Variants in LIN28B observed in about 807,000 individuals in gnomAD.
LIN28B encodes the protein protein lin-28 homolog B.
In LIN28B, 5 loss-of-function variants were observed where a neutral mutation model predicts 21.9. The observed-to-expected ratio is 0.23, with a 90% CI of 0.12 to 0.48. The LOEUF (loss-of-function observed/expected upper bound fraction) is 0.48. LIN28B is among the 20% of genes least tolerant of loss of function. LIN28B has a pLI of 0.98. For synonymous variants in LIN28B, 109 were observed against 111.3 expected, an observed-to-expected ratio of 0.98 and a Z score of 0.13; for missense variants, 245 against 310.5, an observed-to-expected ratio of 0.79 and a Z score of 1.58.
At chr6:104,991,432 T>G (rs1434981460) in intron 2 of LIN28B, among the ~76,000 whole-genome samples, 5 of 123,644 alleles carry the variant, frequency 4.0e-5, no homozygotes, top group Non-Finnish European at 3.3e-5. Flanking sequence ...GGGGCAGAGG[T>G]GATCCCCACA....
intron 3 of LIN28B, among the ~76,000 whole-genome samples, chr6:105,035,741 A>G (rs1449334921): frequency 6.6e-6 from 1 of 152,198 alleles, no homozygotes; most frequent in Non-Finnish European, 1.5e-5. Context: ...CTTACCCTCA[A>G]AATATCAGGA....
chr6:104,953,991 C>G (rs1778253964), upstream of LIN28B, among the ~76,000 whole-genome samples: 1 of 152,110 alleles, frequency 6.6e-6, no homozygotes, highest in Admixed American at 6.5e-5. Flanking sequence ...AAAACGTGTA[C>G]CTTGTTTTTT....
chr6:105,031,985 G>A (rs1401717093), intron 3 of LIN28B, among the ~76,000 whole-genome samples: 1 of 152,048 alleles, frequency 6.6e-6, no homozygotes, highest in Non-Finnish European at 1.5e-5. Context: ...CTCTTTCACT[G>A]TAGTTTTGTG....
At chr6:105,037,667 C>T (rs1032771064) in intron 3 of LIN28B, among the ~76,000 whole-genome samples, 6 of 151,490 alleles carry the variant, frequency 4.0e-5, no homozygotes, top group African/African-American at 1.5e-4. Context: ...TGTGCACCAC[C>T]ACACCCTAAT....
intron 2 of LIN28B, among the ~76,000 whole-genome samples, chr6:104,944,295 A>G (rs1778131929): frequency 6.6e-6 from 1 of 152,148 alleles, no homozygotes; most frequent in Admixed American, 6.5e-5. Flanking sequence ...GAAAGCTGCC[A>G]CTTGCAGATG....
chr6:105,037,250 A>T (rs1233525562), intron 3 of LIN28B, among the ~76,000 whole-genome samples: 4 of 152,100 alleles, frequency 2.6e-5, no homozygotes, highest in African/African-American at 9.7e-5. Flanking sequence ...CTGCATCCCA[A>T]ACCCCAGTAA....
chr6:104,984,477 A>G (rs1211175761), intron 2 of LIN28B, among the ~76,000 whole-genome samples: 1 of 150,946 alleles, frequency 6.6e-6, no homozygotes, highest in Non-Finnish European at 1.5e-5. Flanking sequence ...TTTTGTTGAG[A>G]CAGGGTCTCA....
intron 3 of LIN28B, among the ~76,000 whole-genome samples, chr6:105,044,952 A>G (rs1047957784): frequency 2.0e-5 from 3 of 152,178 alleles, no homozygotes; most frequent in Non-Finnish European, 2.9e-5. Flanking sequence ...GGATCACTTC[A>G]GCCCAGGAGT....
intron 2 of LIN28B, among the ~76,000 whole-genome samples, chr6:105,024,547 A>G (rs2114337551): frequency 6.6e-6 from 1 of 152,278 alleles, no homozygotes; most frequent in East Asian, 1.9e-4. Context: ...AGCTTTAATA[A>G]TAATACTTTA....
intron 2 of LIN28B, among the ~76,000 whole-genome samples, chr6:105,007,381 C>G (rs1381441752): frequency 6.6e-6 from 1 of 152,098 alleles, no homozygotes; most frequent in Non-Finnish European, 1.5e-5. Context: ...ATTTTTGTTT[C>G]TGTGTTGCAT....
At chr6:104,957,660 T>C (rs934409407) in intron 1 of LIN28B, among the ~76,000 whole-genome samples, 2 of 152,134 alleles carry the variant, frequency 1.3e-5, no homozygotes, top group African/African-American at 4.8e-5. Flanking sequence ...TGCTGCCCCA[T>C]GTGCCTTAAC....
Position 105,078,543 on chromosome 6 carries a change from G to A in LIN28B, c.513G>A (p.Gln171=). The change falls in exon 4 of 4, where the codon CAG becomes CAA. Residue 171 remains glutamine, a synonymous_variant. Coordinates refer to ENST00000345080, the MANE Select transcript of LIN28B (RefSeq NM_001004317.4). ...ACTGCCCACATAAAAATGTTGCACA[G>A]CCACCCGCGAGTTCTCAGGGAAGAC... The part of the protein sequence containing the change: ...VANCPHKNVA[Q]PPASSQGRQE... 6.2e-7 allele frequency: 1 copy of A among 1,614,082 alleles called. No individual in the cohort carries two copies. The highest frequency in any genetic ancestry group is 1.3e-5 in the African/African-American group (1 of 75,024).
At chr6:105,030,953 TC>T (rs1771410748) in intron 3 of LIN28B, among the ~76,000 whole-genome samples, 1 of 152,100 alleles carries the variant, frequency 6.6e-6, no homozygotes, top group Non-Finnish European at 1.5e-5. Flanking sequence ...TTTATTTCCT[TC>T]TATTTTATTT....
At chr6:105,019,406 T>A (rs1363219056) in intron 2 of LIN28B, among the ~76,000 whole-genome samples, 2 of 152,166 alleles carry the variant, frequency 1.3e-5, no homozygotes, top group Non-Finnish European at 2.9e-5. Flanking sequence ...ATGCACAGGA[T>A]CCAATATTTT....
chr6:104,971,549 A>G (rs931952214), intron 2 of LIN28B, among the ~76,000 whole-genome samples: 11 of 152,154 alleles, frequency 7.2e-5, no homozygotes, highest in African/African-American at 2.7e-4. Context: ...GTTAAATACA[A>G]GATTTGTTGA....
intron 3 of LIN28B, among the ~76,000 whole-genome samples, chr6:105,049,418 C>T (rs1771844720): frequency 6.6e-6 from 1 of 152,138 alleles, no homozygotes; most frequent in Admixed American, 6.6e-5. Flanking sequence ...TGCTTTACTT[C>T]CAAGTGTGTG....
chr6:104,951,143 A>G (rs1778216519), intron 3 of LIN28B, among the ~76,000 whole-genome samples: 1 of 152,158 alleles, frequency 6.6e-6, no homozygotes, highest in Non-Finnish European at 1.5e-5. Flanking sequence ...TTAACTTAAA[A>G]GTTATAGCAC....
intron 2 of LIN28B, among the ~76,000 whole-genome samples, chr6:104,962,853 T>A (rs1323346225): frequency 6.6e-6 from 1 of 152,110 alleles, no homozygotes; most frequent in African/African-American, 2.4e-5. Context: ...TTAAAAAAAA[T>A]TAGACATCTT....
chr6:105,005,423 T>C (rs1006629776), intron 2 of LIN28B, among the ~76,000 whole-genome samples: 5 of 152,198 alleles, frequency 3.3e-5, no homozygotes, highest in African/African-American at 1.2e-4. Context: ...AGTTCTCTTT[T>C]TCTGTAACTC....
Sources: gnomAD v4.1 joint callset for allele counts (sites outside exome capture counted in the v4.1 genomes callset) on GRCh38, gnomAD v4.1.1 for gene constraint, MANE v1.5 for transcripts, NCBI Gene and HGNC (gene_info 2026-07-23, HGNC 2026-07-21) for gene names.